The following CACNA1C variants were observed in gnomAD, a reference collection of about 807,000 sequenced individuals.
CACNA1C encodes calcium voltage-gated channel subunit alpha1 C.
A neutral mutation model predicts 229.0 loss-of-function variants in CACNA1C; 30 were observed. The ratio of observed to expected loss-of-function variants is 0.13; its 90% CI spans 0.10 to 0.18. CACNA1C has a LOEUF of 0.18. Ranked by LOEUF, CACNA1C falls within the 10% of genes least tolerant of loss-of-function variation. The probability of loss-of-function intolerance (pLI) is 1.00; values close to 1 mark genes in which losing one functional copy is unlikely to be tolerated. For synonymous variants in CACNA1C, 1,114 were observed against 1,132.5 expected, an observed-to-expected ratio of 0.98 and a Z score of 0.33; for missense variants, 1,658 against 2,845.0, an observed-to-expected ratio of 0.58 and a Z score of 9.49.
rs188861204 is a variant in CACNA1C, at chr12:2,264,232, C to T, written c.477+143802C>T. 3.9e-5 allele frequency among the ~76,000 whole-genome samples: 6 copies of T among 152,294 alleles called. No homozygotes were observed. The East Asian group carries it at 1.2e-3, about 29-fold the overall frequency. On this transcript the variant is annotated intron_variant, in intron 3 of 46. Transcript: ENST00000399655. Reference sequence around the variant, plus strand: ...TGATGCCTCCTAAGCCTGGGGATGCCTCTGCAAGGGCTCCAGGGGGCTCTC... The same window carrying T: ...TGATGCCTCCTAAGCCTGGGGATGCTTCTGCAAGGGCTCCAGGGGGCTCTC...
chr12:2,501,731 T>A (rs889934031), intron 7 of CACNA1C, among the ~76,000 whole-genome samples: 1 of 152,184 alleles, frequency 6.6e-6, no homozygotes, highest in Non-Finnish European at 1.5e-5. Flanking sequence ...TGAAGTCTGG[T>A]GTGGTTTCCT....
At chr12:2,381,687 G>A (rs181946001) in intron 3 of CACNA1C, among the ~76,000 whole-genome samples, 51 of 152,284 alleles carry the variant, frequency 3.3e-4, no homozygotes, top group Admixed American at 1.4e-3. Flanking sequence ...TTTCCTTGTC[G>A]TAGAGAACTA....
At chr12:2,462,226 C>T (rs2099511543) in intron 5 of CACNA1C, among the ~76,000 whole-genome samples, 2 of 151,566 alleles carry the variant, frequency 1.3e-5, no homozygotes, top group Non-Finnish European at 3.0e-5. Context: ...CACAGGCCTG[C>T]GCACCTCCTT....
chr12:2,286,550 T>G (rs1301219341), intron 3 of CACNA1C, among the ~76,000 whole-genome samples: 1 of 152,098 alleles, frequency 6.6e-6, no homozygotes, highest in East Asian at 1.9e-4. Context: ...GCTTCGGGGC[T>G]TCTCTGGGTG....
intron 11 of CACNA1C, among the ~76,000 whole-genome samples, chr12:2,557,494 T>C (rs2045059626): frequency 6.6e-6 from 1 of 152,184 alleles, no homozygotes; most frequent in Admixed American, 6.5e-5. Context: ...AAAATAACCT[T>C]TGTTCCCCCT....
At chr12:2,609,585 A>G (rs2153445902) in intron 27 of CACNA1C, among the ~76,000 whole-genome samples, 1 of 149,732 alleles carries the variant, frequency 6.7e-6, no homozygotes, top group African/African-American at 2.5e-5. Context: ...TATCCGGTTA[A>G]TGATGGTAGC....
chr12:2,674,653 C>G lies in CACNA1C; in HGVS notation c.4828+11C>G. 6.4e-7 allele frequency: 1 copy of G among 1,552,132 alleles called. No homozygotes were observed. The highest frequency in any genetic ancestry group is 8.7e-7 in the Non-Finnish European group (1 of 1,147,186). ...TGCCCCCTGCAGGTGGTGAGTGCTC[C>G]CTGGACTCCCGCACCTTGGCCACTG... On this transcript the variant is annotated intron_variant, in intron 39 of 46. Coordinates refer to ENST00000399655, the MANE Select transcript of CACNA1C (RefSeq NM_000719.7).
intron 3 of CACNA1C, among the ~76,000 whole-genome samples, chr12:2,325,681 C>G (rs2096259506): frequency 6.6e-6 from 1 of 152,270 alleles, no homozygotes; most frequent in African/African-American, 2.4e-5. Context: ...TCCTTCCTTT[C>G]CCTTTGAGGG....
intron 29 of CACNA1C, among the ~76,000 whole-genome samples, chr12:2,619,858 G>A (rs2082407249): frequency 6.6e-6 from 1 of 152,074 alleles, no homozygotes; most frequent in Admixed American, 6.6e-5. Flanking sequence ...ATGAATACAA[G>A]CAGGTAGGTA....
chr12:2,192,917 CAGAGTCAGA>C (rs1406333105), intron 3 of CACNA1C, among the ~76,000 whole-genome samples: 2 of 152,224 alleles, frequency 1.3e-5, no homozygotes, highest in Non-Finnish European at 2.9e-5. Flanking sequence ...CCTCTGCATT[CAGAGTCAGA>C]AGAGAGTTCA....
At chr12:2,058,734 A>G (rs2056265468) in intron 1 of CACNA1C, among the ~76,000 whole-genome samples, 1 of 152,240 alleles carries the variant, frequency 6.6e-6, no homozygotes, top group Non-Finnish European at 1.5e-5. Context: ...CCTCGGGGAA[A>G]ATGGAATGGA....
chr12:2,486,247 C>A lies in CACNA1C; in HGVS notation c.901C>A (p.Gln301Lys). Residue 301 changes from glutamine (Q) to lysine (K), a missense_variant, in exon 6 of 47, where the codon CAG becomes AAG. This residue lies in a region of CACNA1C where 84 missense variants were observed against 202.6 expected (regional missense o/e 0.41). Coordinates refer to ENST00000399655, the MANE Select transcript of CACNA1C (RefSeq NM_000719.7). This position sits in a 1 kb window ranked among gnomAD's most constrained non-coding sequence, Gnocchi z 4.9. ...GAAGATGCACAAGACCTGCTACAAC[C>A]AGGAGGGCATAGCAGGTAAGAGGGG... Reference protein sequence around the residue: ...MGKMHKTCYNQEGIADVPAED... With the variant: ...MGKMHKTCYNKEGIADVPAED... 1 of 1,613,426 alleles carries A rather than the reference C, an allele frequency of 6.2e-7. No individual in the cohort carries two copies. Among genetic ancestry groups the A allele is most frequent in the East Asian group, 2.2e-5 (1 of 44,848 alleles).
Position 2,664,821 on chromosome 12 carries a change from C to A in CACNA1C, c.4233-4C>A. On this transcript the variant is annotated splice_polypyrimidine_tract_variant and splice_region_variant and intron_variant, in intron 34 of 46. Coordinates refer to ENST00000399655, the MANE Select transcript of CACNA1C (RefSeq NM_000719.7). ...GCATGAACGTGGCTCTCCCTCCCCT[C>A]CAGGTGTGCCACCGGGGAGGCCTGG... is the stretch of plus-strand genomic sequence containing the variant. 1 of 1,577,652 alleles carries A rather than the reference C, an allele frequency of 6.3e-7. No individual in the cohort carries two copies. Among genetic ancestry groups the A allele is most frequent in the South Asian group, 1.2e-5 (1 of 86,890 alleles).
upstream of CACNA1C, chr12:2,052,985 G>T (rs1002247537): frequency 3.1e-6 from 3 of 982,862 alleles, no homozygotes; most frequent in African/African-American, 3.5e-5. Context: ...CGCGCGCCCG[G>T]TGTCTCCCTC....
At chr12:2,593,397 T>C in intron 19 of CACNA1C, 52 bp downstream of exon 19, 3 of 1,597,496 alleles carry the variant, frequency 1.9e-6, no homozygotes, top group Non-Finnish European at 2.6e-6. Context: ...AGTACCAGCC[T>C]GGCAGTTGCC....
Position 2,566,367 on chromosome 12 carries a change from G to T in CACNA1C, c.1509-55G>T. On this transcript the variant is annotated intron_variant, in intron 11 of 46. Coordinates refer to ENST00000399655, the MANE Select transcript of CACNA1C (RefSeq NM_000719.7). The surrounding 1 kb of genome is among the most constrained non-coding windows in gnomAD (Gnocchi z 4.0). ...AGCCATGGTGCTGCATCTTGGGTTG[G>T]AGGAAACCTGAATTCACAGCCAACC... is the stretch of plus-strand genomic sequence containing the variant. 6.7e-7 allele frequency: 1 copy of T among 1,485,662 alleles called. No homozygotes were observed. The allele number at this position is 1,485,662 out of a possible 1,614,324, so 92.0% of individuals were successfully genotyped here.
At chr12:2,366,626 A>G (rs1216452392) in intron 3 of CACNA1C, among the ~76,000 whole-genome samples, 1 of 152,240 alleles carries the variant, frequency 6.6e-6, no homozygotes, top group African/African-American at 2.4e-5. Context: ...TCAACTTTCA[A>G]AAACTCAAGA....
chr12:2,618,564 C>G (rs1302894106), intron 29 of CACNA1C, among the ~76,000 whole-genome samples: 1 of 152,192 alleles, frequency 6.6e-6, no homozygotes, highest in Non-Finnish European at 1.5e-5. Flanking sequence ...GGGAAGAATG[C>G]CAGGGCCAGA....
At chr12:2,261,990 T>C (rs1031493338) in intron 3 of CACNA1C, among the ~76,000 whole-genome samples, 6 of 152,210 alleles carry the variant, frequency 3.9e-5, no homozygotes, top group African/African-American at 1.4e-4. Flanking sequence ...AGGGAGCCAG[T>C]CCAGTCCCTT....
Sources: gnomAD v4.1 joint callset for allele counts (sites outside exome capture counted in the v4.1 genomes callset) on GRCh38, gnomAD v4.1.1 for gene constraint, gnomAD v4.1.1 regional missense constraint, Gnocchi (gnomAD v3.1) non-coding constraint, MANE v1.5 for transcripts, NCBI Gene and HGNC (gene_info 2026-07-23, HGNC 2026-07-21) for gene names.